Variants in PDE4DIP observed in about 807,000 individuals in gnomAD.
PDE4DIP encodes phosphodiesterase 4D interacting protein, also known as myomegalin.
Under a neutral mutation model 221.4 loss-of-function variants are expected in PDE4DIP, and 59 were observed. That is an observed-to-expected ratio of 0.27 (90% CI 0.22 to 0.33). The LOEUF (loss-of-function observed/expected upper bound fraction) is 0.33, where lower values mean the gene tolerates loss of function less well. Among genes scored for constraint, PDE4DIP ranks in the 10% least tolerant of loss-of-function variants. The pLI, the probability that PDE4DIP is intolerant of heterozygous loss-of-function variation, is 1.00. For missense variants in PDE4DIP, 1,036 were observed against 2,154.2 expected (o/e 0.48, Z 10.28); for synonymous variants, 404 against 815.9 (o/e 0.50, Z 8.60).
rs370411165 is a variant in PDE4DIP, at chr1:149,032,462, C to T, written c.*477C>T. ...ACACTACTGAGCAGCGGTGCCCTGC[C>T]GGACACTGCTGGCGGGGGCTCAGTG... is the stretch of plus-strand genomic sequence containing the variant. On this transcript the variant is annotated 3_prime_UTR_variant, in exon 44 of 44. Transcript: ENST00000369354. 1,077 of 381,588 alleles carry T rather than the reference C, an allele frequency of 2.8e-3. 34 individuals are homozygous for T. In the East Asian group the frequency reaches 0.041, roughly 14 times the overall value. 23.6% of individuals were successfully genotyped at this position (381,588 alleles called of 1,614,324 possible).
chr1:149,011,237 C>T (rs587724775), intron 31 of PDE4DIP, among the ~76,000 whole-genome samples: 24 of 81,030 alleles, frequency 3.0e-4, no homozygotes, highest in African/African-American at 8.0e-4. Flanking sequence ...ACCTTGTCTT[C>T]GCCTCCTACC....
At chr1:148,978,244 A>C (rs782554274) in intron 18 of PDE4DIP, 34 bp from the exon 22 acceptor site, 5 of 1,549,466 alleles carry the variant, frequency 3.2e-6, no homozygotes, top group Middle Eastern at 1.7e-4. Context: ...TTTTATTACT[A>C]TTTTCACATC....
intron 30 of PDE4DIP, 65 bp downstream of exon 33, chr1:149,009,856 G>C: frequency 1.7e-6 from 2 of 1,151,378 alleles, no homozygotes; most frequent in Non-Finnish European, 2.6e-6. Context: ...AGGAAACAGG[G>C]CTTATAGCTC....
intron 43 of PDE4DIP, 99 bp from the exon 47 acceptor site, chr1:149,031,845 T>A (rs1470804844): frequency 4.4e-6 from 5 of 1,144,726 alleles, no homozygotes; most frequent in Non-Finnish European, 6.4e-6. Flanking sequence ...ACCGTGCTCC[T>A]GGCTTTGGTC....
chr1:148,893,103 A>G lies in PDE4DIP; in HGVS notation c.141+3209A>G, dbSNP rs9701433. Among the ~76,000 whole-genome samples the G allele has an allele frequency of 6.3e-3, 552 of 87,478 alleles. 1 individual carries two copies. The highest frequency in any genetic ancestry group is 0.014 in the East Asian group (37 of 2,700). The allele number at this position is 87,478 out of a possible 152,430, so 57.4% of individuals were successfully genotyped here. On this transcript the variant is annotated intron_variant, in intron 1 of 43. Coordinates refer to ENST00000369354, the Ensembl canonical transcript of PDE4DIP. ...TGTGTGTGTGTGTGTGTGTGTGTGTATGTATTTTTTTTTTTTTTTTTTTGG... is the reference window on the plus strand; with the variant it reads ...TGTGTGTGTGTGTGTGTGTGTGTGTGTGTATTTTTTTTTTTTTTTTTTTGG...
At chr1:148,988,946 AGAC>A (rs2062433974) in intron 21 of PDE4DIP, among the ~76,000 whole-genome samples, 1 of 151,198 alleles carries the variant, frequency 6.6e-6, no homozygotes, top group Non-Finnish European at 1.5e-5. Flanking sequence ...AAAAATAAGC[AGAC>A]GAGTCATCAA....
At chr1:148,975,839 T>G (rs1244291870) in intron 17 of PDE4DIP, among the ~76,000 whole-genome samples, 2 of 152,172 alleles carry the variant, frequency 1.3e-5, no homozygotes, top group African/African-American at 4.8e-5. Flanking sequence ...AGCTCTTAGT[T>G]TTTTTCTACC....
intron 5 of PDE4DIP, among the ~76,000 whole-genome samples, chr1:148,955,606 C>T (rs1241665260): frequency 6.6e-6 from 1 of 150,922 alleles, no homozygotes; most frequent in Admixed American, 6.6e-5. Context: ...CATTAAACCC[C>T]ATTGTCTGAA....
At chr1:148,964,266 G>T (rs1441535301) in intron 9 of PDE4DIP, among the ~76,000 whole-genome samples, 2 of 151,874 alleles carry the variant, frequency 1.3e-5, no homozygotes, top group Non-Finnish European at 2.9e-5. Context: ...GCGCCACCAC[G>T]CCTGGCTAAT....
At chr1:148,934,143 A>T (rs1462606724) in intron 4 of PDE4DIP, among the ~76,000 whole-genome samples, 2 of 150,124 alleles carry the variant, frequency 1.3e-5, no homozygotes, top group African/African-American at 2.5e-5. Flanking sequence ...CTTCTAGTGA[A>T]CCTCACTAAG....
At chr1:148,885,818 T>C (rs1482624716), upstream of PDE4DIP, among the ~76,000 whole-genome samples, 1 of 103,946 alleles carries the variant, frequency 9.6e-6, no homozygotes, top group Admixed American at 1.0e-4. Flanking sequence ...TATAATAGTA[T>C]ATATAATATA....
chr1:148,937,718 T>G, intron 4 of PDE4DIP, 29 bp from the exon 8 acceptor site: 1 of 1,231,378 alleles, frequency 8.1e-7, no homozygotes, highest in Non-Finnish European at 1.2e-6. Context: ...ATGATCATAA[T>G]TACTGTCCTT....
At chr1:148,952,446 G>C (rs1197824257) in intron 5 of PDE4DIP, 3 of 1,096,066 alleles carry the variant, frequency 2.7e-6, no homozygotes, top group South Asian at 3.8e-5. Context: ...CTGCTAAAAG[G>C]GGAGGACGTT....
At chr1:148,948,421 G>A (rs375039970) in intron 5 of PDE4DIP, among the ~76,000 whole-genome samples, 4 of 149,926 alleles carry the variant, frequency 2.7e-5, no homozygotes, top group African/African-American at 4.9e-5. Context: ...GCAGTGAGCC[G>A]AGATTGTGCC....
chr1:148,980,353 C>T (rs2060880119), intron 20 of PDE4DIP, among the ~76,000 whole-genome samples: 3 of 152,154 alleles, frequency 2.0e-5, no homozygotes, highest in Admixed American at 2.0e-4. Context: ...GTTCACACCA[C>T]TGCACTCCAT....
chr1:148,903,166 G>T (rs2041075506), intron 1 of PDE4DIP, among the ~76,000 whole-genome samples: 1 of 141,216 alleles, frequency 7.1e-6, no homozygotes, highest in African/African-American at 2.8e-5. Flanking sequence ...TAGCGATGTT[G>T]AGCCTTTTTT....
intron 37 of PDE4DIP, among the ~76,000 whole-genome samples, chr1:149,023,697 CAT>C (rs1286511252): frequency 1.0e-5 from 1 of 96,706 alleles, no homozygotes; most frequent in African/African-American, 3.9e-5. Flanking sequence ...TATGTGTGCA[CAT>C]ATATATGTAC....
intron 41 of PDE4DIP, among the ~76,000 whole-genome samples, 173 bp from the exon 45 acceptor site, chr1:149,029,614 G>A (rs1553634002): frequency 2.0e-5 from 3 of 152,128 alleles, no homozygotes; most frequent in African/African-American, 7.2e-5. Flanking sequence ...CCTGCCTAAT[G>A]GCCTCATCCT....
chr1:148,947,878 A>G (rs2052191315), intron 5 of PDE4DIP, among the ~76,000 whole-genome samples: 1 of 150,736 alleles, frequency 6.6e-6, no homozygotes, highest in East Asian at 2.0e-4. Context: ...GTGGTTTTCA[A>G]AGTGTGATTC....
Sources: allele counts gnomAD v4.1 joint callset (sites outside exome capture counted in the v4.1 genomes callset), GRCh38; gene constraint gnomAD v4.1.1; transcripts MANE v1.5; gene names NCBI Gene and HGNC (gene_info 2026-07-23, HGNC 2026-07-21).